The following METAP1 variants were observed in gnomAD, a reference collection of about 807,000 sequenced individuals.
METAP1 encodes methionyl aminopeptidase 1.
In METAP1, 28 loss-of-function variants were observed where a neutral mutation model predicts 53.8. That is an observed-to-expected ratio of 0.52 (90% CI 0.39 to 0.71). The LOEUF is 0.71. Among genes scored for constraint, METAP1 ranks in the 30% least tolerant of loss-of-function variants. METAP1 has a pLI of 0.00. For synonymous variants in METAP1, 181 were observed against 165.7 expected (o/e 1.09, Z -0.71); for missense variants, 389 against 479.8 (o/e 0.81, Z 1.77).
chr4:99,029,039 A>G (rs1724796122), intron 2 of METAP1, 121 bp downstream of exon 2: 1 of 615,482 alleles, frequency 1.6e-6, no homozygotes, highest in African/African-American at 1.9e-5. Flanking sequence ...AATCCTGAAT[A>G]CTAGAATTAT....
chr4:99,038,564 G>A (rs932564616), intron 4 of METAP1, among the ~76,000 whole-genome samples: 3 of 151,898 alleles, frequency 2.0e-5, no homozygotes, highest in African/African-American at 7.3e-5. Flanking sequence ...GATTCTGTTT[G>A]TTAATATTTT....
chr4:99,003,893 T>C (rs966849677), intron 1 of METAP1, among the ~76,000 whole-genome samples: 8 of 152,218 alleles, frequency 5.3e-5, no homozygotes, highest in East Asian at 1.9e-4. Context: ...ATCCCAGAGA[T>C]AGAGGGCTTA....
At chr4:99,047,308 C>T (rs978846408) in intron 8 of METAP1, among the ~76,000 whole-genome samples, 1 of 152,172 alleles carries the variant, frequency 6.6e-6, no homozygotes, top group Non-Finnish European at 1.5e-5. Flanking sequence ...ATGCCAGTTA[C>T]ACCACCACCC....
At chr4:99,048,706 A>G in intron 8 of METAP1, 27 bp from the exon 9 acceptor site, 1 of 1,608,694 alleles carries the variant, frequency 6.2e-7, no homozygotes. Context: ...TTATTAGTTT[A>G]TCATGAATTT....
chr4:99,045,962 G>A (rs748520096), intron 8 of METAP1, among the ~76,000 whole-genome samples: 64 of 152,124 alleles, frequency 4.2e-4, no homozygotes, highest in Non-Finnish European at 8.2e-4. Context: ...TACAATTTGT[G>A]TAACTATTCT....
intron 8 of METAP1, among the ~76,000 whole-genome samples, chr4:99,045,520 T>C (rs1726157209): frequency 6.6e-6 from 1 of 152,244 alleles, no homozygotes; most frequent in African/African-American, 2.4e-5. Flanking sequence ...ATCCTTTGTT[T>C]CTTCTGTGAT....
intron 8 of METAP1, among the ~76,000 whole-genome samples, chr4:99,045,574 G>C (rs1487239576): frequency 6.6e-6 from 1 of 152,166 alleles, no homozygotes; most frequent in Non-Finnish European, 1.5e-5. Context: ...GGACTGTGCA[G>C]ATGGTTTTTT....
intron 7 of METAP1, 32 bp from the exon 8 acceptor site, chr4:99,045,147 T>C (rs1288502250): frequency 1.1e-5 from 17 of 1,599,972 alleles, no homozygotes; most frequent in Non-Finnish European, 1.5e-5. Context: ...TGAAAATAAG[T>C]ATGGTCTTTA....
chr4:99,018,331 A>G (rs1236974698), intron 1 of METAP1, among the ~76,000 whole-genome samples: 3 of 152,256 alleles, frequency 2.0e-5, no homozygotes, highest in Admixed American at 6.5e-5. Flanking sequence ...TACACAGAGT[A>G]TTCACTTACT....
At chr4:99,004,631 G>C (rs778529231) in intron 1 of METAP1, among the ~76,000 whole-genome samples, 8 of 151,908 alleles carry the variant, frequency 5.3e-5, no homozygotes, top group Non-Finnish European at 7.4e-5. Flanking sequence ...AAAACAGAAG[G>C]CTCCTTTTTC....
intron 1 of METAP1, among the ~76,000 whole-genome samples, chr4:98,998,325 C>T (rs879575066): frequency 2.6e-5 from 4 of 152,142 alleles, no homozygotes; most frequent in Admixed American, 6.5e-5. Context: ...GAGTTTGAGA[C>T]CAGACTGGGC....
intron 1 of METAP1, among the ~76,000 whole-genome samples, chr4:99,000,105 T>C (rs1159204567): frequency 6.6e-6 from 1 of 152,200 alleles, no homozygotes; most frequent in Non-Finnish European, 1.5e-5. Flanking sequence ...ACAAAGAAAT[T>C]CTGTATTTAC....
chr4:99,051,482 C>T lies in METAP1; in HGVS notation c.931+2606C>T, dbSNP rs534559897. Among the ~76,000 whole-genome samples, 19 of 152,098 alleles carry T rather than the reference C, an allele frequency of 1.2e-4. No homozygotes were observed. In the South Asian group the frequency reaches 2.5e-3, roughly 20 times the overall value. Reference sequence around the variant, plus strand: ...CACAGCTCACTGGAACCTTGACCTCCGAGAGCTCAAGCAGTCCTCCTACCT... The same window carrying T: ...CACAGCTCACTGGAACCTTGACCTCTGAGAGCTCAAGCAGTCCTCCTACCT... On this transcript the variant is annotated intron_variant, in intron 9 of 10. Coordinates refer to ENST00000296411, the MANE Select transcript of METAP1 (RefSeq NM_015143.3).
chr4:98,995,721 C>T lies in METAP1; in HGVS notation c.-33C>T, dbSNP rs921982253. 1.2e-5 allele frequency: 18 copies of T among 1,525,604 alleles called. No homozygotes were observed. The African/African-American group carries it at 2.4e-4, about 20-fold the overall frequency. 94.5% of individuals were successfully genotyped at this position (1,525,604 alleles called of 1,614,324 possible). A position where few individuals can be genotyped will look rare whatever the true frequency, so the allele number is the denominator to read the frequency against. On this transcript the variant is annotated 5_prime_UTR_variant, in exon 1 of 11. Transcript: ENST00000296411. ...TCCTCCCTCCCGCCGCCGCCTCTTC[C>T]TCGGTGAGGCGCTCTTCCAGCGGGC... is the stretch of plus-strand genomic sequence containing the variant.
intron 4 of METAP1, among the ~76,000 whole-genome samples, chr4:99,036,601 C>T (rs1440235769): frequency 6.6e-6 from 1 of 151,958 alleles, no homozygotes; most frequent in Admixed American, 6.6e-5. Context: ...ACTATATTTA[C>T]CTTTTCACCT....
intron 1 of METAP1, chr4:99,026,684 T>G (rs1724591049): frequency 1.0e-6 from 1 of 985,414 alleles, no homozygotes; most frequent in Non-Finnish European, 1.2e-6. Context: ...AGTATTCCTC[T>G]TCTACTGGGG....
intron 1 of METAP1, among the ~76,000 whole-genome samples, chr4:99,020,706 A>G (rs1004522754): frequency 6.6e-6 from 1 of 152,232 alleles, no homozygotes; most frequent in Admixed American, 6.5e-5. Flanking sequence ...TTCTGAAGAC[A>G]TACAACTTTT....
chr4:99,057,658 T>TG, intron 9 of METAP1, 95 bp from the exon 10 acceptor site: 1 of 859,994 alleles, frequency 1.2e-6, no homozygotes. Context: ...TAACAATCAC[T>TG]GATGGGAATT....
chr4:98,997,281 A>G (rs1722683416), intron 1 of METAP1: 1 of 152,714 alleles, frequency 6.5e-6, no homozygotes, highest in Non-Finnish European at 1.5e-5. Context: ...GCTGTGTTAT[A>G]CAGTCTTGTT....
Sources: gnomAD v4.1 joint callset for allele counts (sites outside exome capture counted in the v4.1 genomes callset) on GRCh38, gnomAD v4.1.1 for gene constraint, MANE v1.5 for transcripts, NCBI Gene and HGNC (gene_info 2026-07-23, HGNC 2026-07-21) for gene names.